TTBK2: variants seen among roughly 807,000 people sequenced by gnomAD.
TTBK2 encodes tau-tubulin kinase 2.
Under a neutral mutation model 110.8 loss-of-function variants are expected in TTBK2, and 28 were observed. The ratio of observed to expected loss-of-function variants is 0.25; its 90% confidence interval spans 0.19 to 0.35. The LOEUF (loss-of-function observed/expected upper bound fraction) is 0.35, where lower values mean the gene tolerates loss of function less well. TTBK2 is among the 10% of genes least tolerant of loss of function. TTBK2 has a pLI of 1.00. For missense variants in TTBK2, 1,369 were observed against 1,500.3 expected (o/e 0.91, Z 1.45); for synonymous variants, 532 against 527.3 (o/e 1.01, Z -0.12).
chr15:42,817,046 C>T lies in TTBK2; in HGVS notation c.589G>A (p.Ala197Thr), dbSNP rs367612243. 3.5e-5 allele frequency: 56 copies of T among 1,604,358 alleles called. No homozygotes were observed. Among genetic ancestry groups the T allele is most frequent in the Non-Finnish European group, 4.4e-5 (52 of 1,174,274 alleles). ...CAGATACCTACCCTGTTCCGATGTGCGTTGATTGATGCATAACGAACTGTC... is the reference window on the plus strand; with the variant it reads ...CAGATACCTACCCTGTTCCGATGTGTGTTGATTGATGCATAACGAACTGTC... ...RGTVRYASIN[A>T]HRNREMGRHD... is the part of the protein sequence containing the mutation. The change falls in exon 7 of 15, where the codon GCA becomes ACA. Residue 197 changes from alanine to threonine, a missense_variant. Ala to Thr is a moderately conservative substitution (Grantham distance 58). Transcript: ENST00000267890.
At chr15:42,779,910 C>T (rs187029491) in intron 11 of TTBK2, among the ~76,000 whole-genome samples, 16 of 151,900 alleles carry the variant, frequency 1.1e-4, no homozygotes, top group African/African-American at 3.4e-4. Context: ...ACCCAGGAGG[C>T]GGAGGTTGTA....
chr15:42,770,725 T>A (rs1229287404), intron 13 of TTBK2, among the ~76,000 whole-genome samples: 1 of 152,186 alleles, frequency 6.6e-6, no homozygotes, highest in Non-Finnish European at 1.5e-5. Flanking sequence ...TCAATATACA[T>A]ACATTCAACC....
chr15:42,872,842 T>C (rs935154534), intron 2 of TTBK2, 84 bp from the exon 3 acceptor site: 34 of 1,477,922 alleles, frequency 2.3e-5, no homozygotes, highest in Non-Finnish European at 2.5e-5. Context: ...ATTTAGAAAA[T>C]GTATAATTTT....
At chr15:42,800,904 A>T in intron 9 of TTBK2, 1 of 668,046 alleles carries the variant, frequency 1.5e-6, no homozygotes, top group South Asian at 1.7e-5. Context: ...GTTCCCCTGC[A>T]CAGTGGCCTC....
At chr15:42,914,077 A>T (rs1451167475) in intron 1 of TTBK2, among the ~76,000 whole-genome samples, 1 of 151,884 alleles carries the variant, frequency 6.6e-6, no homozygotes, top group Admixed American at 6.6e-5. Flanking sequence ...CCCGGATTCA[A>T]GCGATTCTCC....
chr15:42,792,069 G>A (rs940725389), intron 10 of TTBK2, among the ~76,000 whole-genome samples: 4 of 152,204 alleles, frequency 2.6e-5, no homozygotes, highest in East Asian at 3.9e-4. Context: ...CCTGAGAGGC[G>A]GAGGTTGCAG....
Position 42,775,243 on chromosome 15 carries a change from T to C in TTBK2, c.1890A>G (p.Ser630=), listed in dbSNP as rs1243248650. The part of the protein sequence containing the change: ...LSAEGPPTAA[S]EQYTDRLELQ... ...GTTCCAGCCTATCTGTATATTGTTCTGAAGCAGCAGTAGGAGGACCCTCTG... is the reference window on the plus strand; with the variant it reads ...GTTCCAGCCTATCTGTATATTGTTCCGAAGCAGCAGTAGGAGGACCCTCTG... Residue 630 remains serine, a synonymous_variant, in exon 13 of 15, where the codon TCA becomes TCG. Coordinates refer to ENST00000267890, the MANE Select transcript of TTBK2 (RefSeq NM_173500.4). 6.2e-7 allele frequency: 1 copy of C among 1,614,248 alleles called. No homozygotes were observed. Among genetic ancestry groups the C allele is most frequent in the South Asian group, 1.1e-5 (1 of 91,080 alleles).
In TTBK2 at chr15:42,763,101, T is replaced by TAC. The variant is rs1418184575; in HGVS notation, c.1999-9856_1999-9855dup. The stretch of plus-strand genomic sequence containing the variant: ...TAACAATTTTATATATATATATATA[T>TAC]ACGTATATATATATATACACATATA... On this transcript the variant is annotated intron_variant, in intron 13 of 14. Coordinates refer to ENST00000267890, the MANE Select transcript of TTBK2 (RefSeq NM_173500.4). Among the ~76,000 whole-genome samples, 574 of 109,134 alleles carry TAC rather than the reference T, an allele frequency of 5.3e-3. 6 individuals carry two copies. The highest frequency in any genetic ancestry group is 8.6e-3 in the Non-Finnish European group (516 of 60,130). The allele number at this position is 109,134 out of a possible 152,430, so 71.6% of individuals were successfully genotyped here. A position where few individuals can be genotyped will look rare whatever the true frequency, so the allele number is the denominator to read the frequency against.
In TTBK2 at chr15:42,743,560, T is replaced by C. The variant is rs1165436860; in HGVS notation, c.*2235A>G. ...CCGACCCCCTGCAAAAAAAGTGAGA[T>C]GAAAAGAGGAAAGTAGAATGGCAAT... On this transcript the variant is annotated 3_prime_UTR_variant, in exon 15 of 15. Transcript: ENST00000267890. The C allele has an allele frequency of 6.6e-6, 1 of 152,022 alleles. No homozygotes were observed. The highest frequency in any genetic ancestry group is 1.5e-5 in the Non-Finnish European group (1 of 67,994). The allele number at this position is 152,022 out of a possible 1,614,324, so 9.4% of individuals were successfully genotyped here.
chr15:42,763,145 TATATATATATAC>T (rs2062064739), intron 13 of TTBK2, among the ~76,000 whole-genome samples: 5 of 69,700 alleles, frequency 7.2e-5, no homozygotes, highest in African/African-American at 3.7e-4. Flanking sequence ...TATACATACA[TATATATATATAC>T]ATATATATAT....
chr15:42,899,119 A>G (rs1895781356), intron 1 of TTBK2, among the ~76,000 whole-genome samples: 1 of 152,102 alleles, frequency 6.6e-6, no homozygotes, highest in African/African-American at 2.4e-5. Context: ...CAGCCTCCTG[A>G]GAAGCTGCAA....
At chr15:42,867,011 G>A (rs1203362239) in intron 3 of TTBK2, among the ~76,000 whole-genome samples, 3 of 152,088 alleles carry the variant, frequency 2.0e-5, no homozygotes, top group Non-Finnish European at 4.4e-5. Flanking sequence ...TTGAGAGGCC[G>A]AGGCGGGCGG....
intron 3 of TTBK2, among the ~76,000 whole-genome samples, chr15:42,860,670 A>C: frequency 8.1e-6 from 1 of 123,696 alleles, no homozygotes; most frequent in East Asian, 2.3e-4. Flanking sequence ...TTGAGATGGC[A>C]TTTAGTGCTA....
chr15:42,871,955 A>G (rs1894632391), intron 3 of TTBK2, among the ~76,000 whole-genome samples: 1 of 152,210 alleles, frequency 6.6e-6, no homozygotes, highest in African/African-American at 2.4e-5. Flanking sequence ...CATCAGTAAT[A>G]TCAGAGAGTA....
intron 12 of TTBK2, among the ~76,000 whole-genome samples, chr15:42,776,222 T>C (rs1030270069): frequency 3.3e-5 from 5 of 152,176 alleles, no homozygotes; most frequent in African/African-American, 1.2e-4. Flanking sequence ...GTAATTACCA[T>C]CTTAGTCAAA....
chr15:42,884,125 T>A (rs574894335), intron 1 of TTBK2, among the ~76,000 whole-genome samples: 2 of 152,126 alleles, frequency 1.3e-5, no homozygotes, highest in East Asian at 3.9e-4. Context: ...TAAAAATCAA[T>A]GAACTGAAAG....
intron 1 of TTBK2, among the ~76,000 whole-genome samples, chr15:42,908,991 A>C (rs2030583809): frequency 1.3e-5 from 2 of 152,186 alleles, no homozygotes; most frequent in South Asian, 4.1e-4. Context: ...AAACAACACA[A>C]ATTTATAATC....
chr15:42,802,305 G>A (rs746124428), intron 9 of TTBK2: 15 of 782,640 alleles, frequency 1.9e-5, no homozygotes, highest in East Asian at 4.9e-5. Flanking sequence ...AGCTCGAGGA[G>A]CTGATGCAGG....
chr15:42,801,402 GTA>G, intron 9 of TTBK2: 1 of 1,192,418 alleles, frequency 8.4e-7, no homozygotes, highest in Non-Finnish European at 1.3e-6. Flanking sequence ...ACGCTGCTCG[GTA>G]TCTGCGTGGC....
Sources: gnomAD v4.1 joint callset for allele counts (sites outside exome capture counted in the v4.1 genomes callset) on GRCh38, gnomAD v4.1.1 for gene constraint, MANE v1.5 for transcripts, NCBI Gene and HGNC (gene_info 2026-07-23, HGNC 2026-07-21) for gene names.